Variants in KMT2C observed in about 807,000 individuals in gnomAD.
KMT2C encodes lysine methyltransferase 2C.
In KMT2C, 88 loss-of-function variants were observed where a neutral mutation model predicts 507.9. The ratio of observed to expected loss-of-function variants is 0.17; its 90% confidence interval spans 0.15 to 0.21. The LOEUF (loss-of-function observed/expected upper bound fraction) is 0.21. Among genes scored for constraint, KMT2C ranks in the 10% least tolerant of loss-of-function variants. The probability of loss-of-function intolerance (pLI) is 1.00; values close to 1 mark genes in which losing one functional copy is unlikely to be tolerated. For missense variants in KMT2C, 4,954 were observed against 5,957.8 expected (o/e 0.83, Z 5.55); for synonymous variants, 2,049 against 2,080.8 (o/e 0.98, Z 0.42).
At chr7:152,206,450 G>A (rs2129137944) in intron 24 of KMT2C, among the ~76,000 whole-genome samples, 1 of 152,200 alleles carries the variant, frequency 6.6e-6, no homozygotes, top group Middle Eastern at 3.4e-3. Flanking sequence ...CTATTTAAAA[G>A]ATAGGTTATC....
chr7:152,373,989 A>G (rs993654008), intron 1 of KMT2C, among the ~76,000 whole-genome samples: 9 of 152,128 alleles, frequency 5.9e-5, no homozygotes, highest in Admixed American at 1.3e-4. Flanking sequence ...TTTACCAAGT[A>G]ATCAGGGAAA....
In KMT2C at chr7:152,176,911, T is replaced by C. The variant is rs1261208004; in HGVS notation, c.8542A>G (p.Asn2848Asp). 2 of 1,614,074 alleles carry C rather than the reference T, an allele frequency of 1.2e-6. No homozygotes were observed. Among genetic ancestry groups the C allele is most frequent in the Non-Finnish European group, 1.7e-6 (2 of 1,180,030 alleles). Residue 2848 changes from asparagine (N) to aspartate (D), a missense_variant, in exon 38 of 59, where the codon AAT becomes GAT. Transcript: ENST00000262189. ...ETEKNDENKD[N>D]VDTPCSQASA... Reference sequence around the variant, plus strand: ...GCCTGTGAGCAAGGAGTGTCAACATTATCTTTATTCTCATCATTTTTTTCA... The same window carrying C: ...GCCTGTGAGCAAGGAGTGTCAACATCATCTTTATTCTCATCATTTTTTTCA...
intron 6 of KMT2C, among the ~76,000 whole-genome samples, chr7:152,297,015 A>AAGAC (rs1347990826): frequency 2.2e-5 from 2 of 89,036 alleles, no homozygotes; most frequent in Non-Finnish European, 4.2e-5. Context: ...GAAAGAAAGA[A>AAGAC]AGAAAGAAAG....
At chr7:152,198,633 T>C (rs1677237133) in intron 27 of KMT2C, among the ~76,000 whole-genome samples, 1 of 152,150 alleles carries the variant, frequency 6.6e-6, no homozygotes, top group African/African-American at 2.4e-5. Context: ...TTCTCATACC[T>C]TTCTCTGATT....
At chr7:152,374,469 CAT>C (rs1226000491) in intron 1 of KMT2C, among the ~76,000 whole-genome samples, 8 of 152,158 alleles carry the variant, frequency 5.3e-5, no homozygotes, top group African/African-American at 1.9e-4. Flanking sequence ...TCTCTGAACA[CAT>C]GAGATATTCA....
intron 31 of KMT2C, among the ~76,000 whole-genome samples, chr7:152,188,575 C>CAAAAA (rs35832014): frequency 1.8e-3 from 197 of 110,278 alleles, no homozygotes; most frequent in African/African-American, 6.4e-3. Context: ...CTCTTAATAC[C>CAAAAA]AAAAAAAAAA....
chr7:152,360,133 C>T (rs1255215331), intron 1 of KMT2C, among the ~76,000 whole-genome samples: 1 of 149,026 alleles, frequency 6.7e-6, no homozygotes, highest in Non-Finnish European at 1.5e-5. Context: ...AAACAAAGAA[C>T]TATGTTTTAA....
intron 31 of KMT2C, among the ~76,000 whole-genome samples, chr7:152,192,264 T>C (rs554836864): frequency 6.6e-6 from 1 of 152,252 alleles, no homozygotes; most frequent in African/African-American, 2.4e-5. Context: ...ATATGGGGGC[T>C]GGGCGCGGTG....
chr7:152,158,514 T>G (rs1216538382), intron 44 of KMT2C, among the ~76,000 whole-genome samples: 2 of 151,718 alleles, frequency 1.3e-5, no homozygotes, highest in Non-Finnish European at 2.9e-5. Flanking sequence ...ATTGTTTGTT[T>G]TTTTTTTGTT....
chr7:152,194,063 T>C lies in KMT2C; in HGVS notation c.4606A>G (p.Thr1536Ala). ...GGTGGGGGAGGCTGTGGCAATGGAG[T>C]TGGCTGAGTGTTCGCAGGACTAAGT... ...AVLSPANTQP[T>A]PLPQPPPPTQ... is the part of the protein sequence containing the mutation. Residue 1536 changes from threonine (T) to alanine (A), a missense_variant, in exon 31 of 59, where the codon ACT (threonine) becomes GCT (alanine). This residue lies in a region of KMT2C where 195 missense variants were observed against 183.7 expected (regional missense o/e 1.06). Transcript: ENST00000262189. 6.3e-7 allele frequency: 1 copy of C among 1,592,052 alleles called. No individual in the cohort carries two copies. Among genetic ancestry groups the C allele is most frequent in the South Asian group, 1.1e-5 (1 of 87,064 alleles).
intron 32 of KMT2C, 103 bp downstream of exon 32, chr7:152,187,612 A>G: frequency 1.4e-6 from 2 of 1,453,670 alleles, no homozygotes; most frequent in Non-Finnish European, 1.9e-6. Flanking sequence ...AATAAACGCA[A>G]CATACAATAA....
At chr7:152,173,995 G>A (rs768180914) in intron 39 of KMT2C, 136 bp downstream of exon 39, 15 of 511,252 alleles carry the variant, frequency 2.9e-5, no homozygotes, top group Non-Finnish European at 5.2e-5. Context: ...ATATCGAGCT[G>A]ATGCCATGAC....
chr7:152,398,994 T>C (rs1045273663), intron 1 of KMT2C, among the ~76,000 whole-genome samples: 1 of 150,522 alleles, frequency 6.6e-6, no homozygotes, highest in East Asian at 2.0e-4. Context: ...GCCCAGCTAA[T>C]TTTTGTGGGA....
chr7:152,193,036 A>G (rs541203180), intron 31 of KMT2C, among the ~76,000 whole-genome samples: 9 of 152,264 alleles, frequency 5.9e-5, no homozygotes, highest in African/African-American at 2.2e-4. Flanking sequence ...TTAGCCAGGC[A>G]TGATGGCGTG....
At chr7:152,290,270 ATATATATATATATATATATATATATT>A (rs1377067458) in intron 6 of KMT2C, among the ~76,000 whole-genome samples, 393 of 22,064 alleles carry the variant, frequency 0.018, 6 homozygotes, top group Non-Finnish European at 0.023. Flanking sequence ...ATATATATAT[ATATATATATATATATATATATATATT>A]TTTTTTTTTT....
At chr7:152,340,571 T>C (rs2096982079) in intron 2 of KMT2C, among the ~76,000 whole-genome samples, 1 of 152,206 alleles carries the variant, frequency 6.6e-6, no homozygotes, top group Non-Finnish European at 1.5e-5. Context: ...ACACTATCTT[T>C]ATTCACTAAA....
rs1436850280 is a variant in KMT2C, at chr7:152,162,932, C to A, written c.10645G>T (p.Val3549Leu). ...LSGTSFQQSP[V>L]RPSFTPALPA... ...AAAGCAGGTGTAAAAGAAGGCCTCA[C>A]TGGGGACTGCTGGAAGCTGGTCCCA... is the stretch of plus-strand genomic sequence containing the variant. Residue 3549 changes from valine (V) to leucine (L), a missense_variant, in exon 43 of 59, where the codon GTG becomes TTG. By Grantham distance (32) the Val-to-Leu change is conservative. Transcript: ENST00000262189. 6.2e-7 allele frequency: 1 copy of A among 1,614,146 alleles called. No homozygotes were observed.
rs760195362 is a variant in KMT2C, at chr7:152,176,319, G to C, written c.9134C>G (p.Pro3045Arg). 1.4e-5 allele frequency: 22 copies of C among 1,613,902 alleles called. No homozygotes were observed. Among genetic ancestry groups the C allele is most frequent in the Non-Finnish European group, 1.5e-5 (18 of 1,180,014 alleles). Residue 3045 changes from proline (P) to arginine (R), a missense_variant, in exon 38 of 59, where the codon CCC becomes CGC. Around this residue, in one of 29 missense-constraint regions of KMT2C, gnomAD observed 1,689 missense variants for 1,654.3 expected, o/e 1.02. Transcript: ENST00000262189. ...QTLAQQNRERPLLLEEQPLLL... is the reference protein window; with the variant it reads ...QTLAQQNRERRLLLEEQPLLL... ...TAGAGGCTGTTCTTCTAGAAGAAGGGGCCTCTCTCTATTCTGCTGTGCTAA... is the reference window on the plus strand; with the variant it reads ...TAGAGGCTGTTCTTCTAGAAGAAGGCGCCTCTCTCTATTCTGCTGTGCTAA...
chr7:152,250,150 G>A (rs1055269079), intron 12 of KMT2C, among the ~76,000 whole-genome samples, 197 bp from the exon 13 acceptor site: 4 of 152,058 alleles, frequency 2.6e-5, no homozygotes, highest in Non-Finnish European at 2.9e-5. Flanking sequence ...TTTTTTAATT[G>A]TCTTTTTCTC....
Sources: gnomAD v4.1 joint callset for allele counts (sites outside exome capture counted in the v4.1 genomes callset) on GRCh38, gnomAD v4.1.1 for gene constraint, gnomAD v4.1.1 regional missense constraint, MANE v1.5 for transcripts, NCBI Gene and HGNC (gene_info 2026-07-23, HGNC 2026-07-21) for gene names.